ANKEF1: variants seen among roughly 807,000 people sequenced by gnomAD.
ANKEF1 encodes the protein ankyrin repeat and EF-hand domain-containing protein 1.
ANKEF1 carries 43 observed loss-of-function variants against 65.1 expected under a neutral mutation model. The ratio of observed to expected loss-of-function variants is 0.66; its 90% CI spans 0.52 to 0.85. The LOEUF (loss-of-function observed/expected upper bound fraction) is 0.85, where lower values mean the gene tolerates loss of function less well. Ranked by LOEUF, ANKEF1 falls within the 40% of genes least tolerant of loss-of-function variation. ANKEF1 has a pLI of 0.00. For synonymous variants in ANKEF1, 316 were observed against 341.5 expected, an observed-to-expected ratio of 0.93 and a Z score of 0.82; for missense variants, 934 against 952.9, an observed-to-expected ratio of 0.98 and a Z score of 0.26.
chr20:10,042,096 G>A (rs1984229088), intron 3 of ANKEF1, among the ~76,000 whole-genome samples: 1 of 152,096 alleles, frequency 6.6e-6, no homozygotes, highest in Non-Finnish European at 1.5e-5. Context: ...TCTTTGCCTA[G>A]CTTTACCTAG....
rs746522690 is a variant in ANKEF1 at position 10,049,825 on chromosome 20, G to C, written c.1256G>C (p.Gly419Ala). ...TATGGACCTAAGAAAAAGGAAAAAG[G>C]GATGGGCAAAAAAGGAAAGAAAGGG... is the stretch of plus-strand genomic sequence containing the variant. ...GSYGPKKKEK[G>A]MGKKGKKGKF... is the part of the protein sequence containing the mutation. The change falls in exon 7 of 11, where the codon GGG (glycine) becomes GCG (alanine). Residue 419 changes from glycine to alanine, a missense_variant. Coordinates refer to ENST00000378392, the MANE Select transcript of ANKEF1 (RefSeq NM_022096.6). 7.4e-6 allele frequency: 12 copies of C among 1,613,956 alleles called. No homozygotes were observed. Among genetic ancestry groups the C allele is most frequent in the African/African-American group, 1.3e-5 (1 of 74,902 alleles).
At chr20:10,047,557 G>A (rs1697709810) in intron 6 of ANKEF1, among the ~76,000 whole-genome samples, 1 of 152,162 alleles carries the variant, frequency 6.6e-6, no homozygotes, top group Non-Finnish European at 1.5e-5. Context: ...ATTTCCTCAT[G>A]ATGGTCCTCT....
rs543439955 is a variant in ANKEF1, at chr20:10,040,260, C to G, written c.346+1613C>G. Among the ~76,000 whole-genome samples, 26 of 152,376 alleles carry G rather than the reference C, an allele frequency of 1.7e-4. 1 individual carries two copies. The highest frequency in any genetic ancestry group is 6.0e-4 in the African/African-American group (25 of 41,594). Reference sequence around the variant, plus strand: ...ATCAACAAGGCTCACTCAGCTTGCACATCCCTCAGTTTGGCTGCCAGTGGC... The same window carrying G: ...ATCAACAAGGCTCACTCAGCTTGCAGATCCCTCAGTTTGGCTGCCAGTGGC... On this transcript the variant is annotated intron_variant, in intron 3 of 10. Coordinates refer to ENST00000378392, the MANE Select transcript of ANKEF1 (RefSeq NM_022096.6).
intron 6 of ANKEF1, among the ~76,000 whole-genome samples, chr20:10,048,426 G>C (rs993055062): frequency 6.6e-6 from 1 of 151,938 alleles, no homozygotes; most frequent in African/African-American, 2.4e-5. Flanking sequence ...ATCCAATTAC[G>C]CTCTTTTAGC....
Position 10,049,664 on chromosome 20 carries a change from A to G in ANKEF1, c.1095A>G (p.Glu365=). Residue 365 remains glutamate, a synonymous_variant, in exon 7 of 11, where the codon GAA becomes GAG. Coordinates refer to ENST00000378392, the MANE Select transcript of ANKEF1 (RefSeq NM_022096.6). ...ACGACTTCGTGATGGTGTTGGAGGAAAGGCAGGATTATGCAAGCTCAGAAC... is the reference window on the plus strand; with the variant it reads ...ACGACTTCGTGATGGTGTTGGAGGAGAGGCAGGATTATGCAAGCTCAGAAC... ...SKNDFVMVLE[E]RQDYASSEQL... 1 of 1,614,122 alleles carries G rather than the reference A, an allele frequency of 6.2e-7. No individual in the cohort carries two copies. Among genetic ancestry groups the G allele is most frequent in the Non-Finnish European group, 8.5e-7 (1 of 1,180,004 alleles).
chr20:10,051,697 A>T lies in ANKEF1; in HGVS notation c.1678A>T (p.Thr560Ser). The T allele has an allele frequency of 6.2e-7, 1 of 1,613,554 alleles. No individual in the cohort carries two copies. The highest frequency in any genetic ancestry group is 8.5e-7 in the Non-Finnish European group (1 of 1,179,736). The part of the protein sequence containing the change: ...NVNATDNFLW[T>S]PLHFACHAGQ... The stretch of plus-strand genomic sequence containing the variant: ...TAATGCAACAGATAACTTTCTGTGG[A>T]CTCCACTTCATTTTGCATGCCATGC... The change falls in exon 8 of 11, where the codon ACT (threonine) becomes TCT (serine). Residue 560 changes from threonine (T) to serine (S), a missense_variant. Transcript: ENST00000378392.
In ANKEF1 at chr20:10,035,090, G is replaced by C. The variant is rs1446013937; in HGVS notation, c.-352G>C. On this transcript the variant is annotated 5_prime_UTR_variant, in exon 1 of 11. Coordinates refer to ENST00000378392, the MANE Select transcript of ANKEF1 (RefSeq NM_022096.6). Reference sequence around the variant, plus strand: ...CACCTGCCCGCGCGCTCGCCTTCCGGGGACCCGGGGCCCATGGACACATAC... The same window carrying C: ...CACCTGCCCGCGCGCTCGCCTTCCGCGGACCCGGGGCCCATGGACACATAC... 1.3e-5 allele frequency: 2 copies of C among 154,064 alleles called. No individual in the cohort carries two copies. The highest frequency in any genetic ancestry group is 4.8e-5 in the African/African-American group (2 of 41,492). 9.5% of individuals were successfully genotyped at this position (154,064 alleles called of 1,614,324 possible).
chr20:10,043,062 TC>T (rs1401803169), intron 3 of ANKEF1, 59 bp from the exon 4 acceptor site: 1 of 1,517,210 alleles, frequency 6.6e-7, no homozygotes, highest in African/African-American at 1.4e-5. Flanking sequence ...AATTTTACTT[TC>T]CTTCCTGTCA....
Position 10,049,566 on chromosome 20 carries a change from T to G in ANKEF1, c.997T>G (p.Ser333Ala). Residue 333 changes from serine (S) to alanine (A), a missense_variant, in exon 7 of 11, where the codon TCC (serine) becomes GCC (alanine). Transcript: ENST00000378392. ...GTGGGCCCTTAGACTGCACGATTGGTCCGTAGAACGTGAGGCTTTCCTCCG... is the reference window on the plus strand; with the variant it reads ...GTGGGCCCTTAGACTGCACGATTGGGCCGTAGAACGTGAGGCTTTCCTCCG... Reference protein sequence around the residue: ...PLWALRLHDWSVEREAFLREA... With the variant: ...PLWALRLHDWAVEREAFLREA... 6.2e-7 allele frequency: 1 copy of G among 1,614,108 alleles called. No individual in the cohort carries two copies. Among genetic ancestry groups the G allele is most frequent in the Non-Finnish European group, 8.5e-7 (1 of 1,180,016 alleles).
At chr20:10,047,040 A>C (rs1419191224) in intron 6 of ANKEF1, among the ~76,000 whole-genome samples, 1 of 152,246 alleles carries the variant, frequency 6.6e-6, no homozygotes. Context: ...TTTCAGATTT[A>C]ACATTATGTA....
chr20:10,054,698 T>A (rs576284423), intron 10 of ANKEF1, 99 bp downstream of exon 10: 2 of 1,265,492 alleles, frequency 1.6e-6, no homozygotes, highest in East Asian at 5.3e-5. Context: ...TCTGCACAGT[T>A]TGTCTTTCAT....
chr20:10,044,213 A>G (rs1600514375), intron 4 of ANKEF1, among the ~76,000 whole-genome samples, 181 bp from the exon 5 acceptor site: 1 of 152,304 alleles, frequency 6.6e-6, no homozygotes, highest in Non-Finnish European at 1.5e-5. Context: ...CGTTTTGGAT[A>G]CTGACCCATT....
intron 4 of ANKEF1, among the ~76,000 whole-genome samples, chr20:10,043,625 TCTG>T (rs1568511549): frequency 6.6e-6 from 1 of 151,470 alleles, no homozygotes; most frequent in African/African-American, 2.4e-5. Context: ...AATATATAGT[TCTG>T]CTGTTTCTTT....
At chr20:10,049,170 A>G (rs1363411552) in intron 6 of ANKEF1, among the ~76,000 whole-genome samples, 2 of 152,194 alleles carry the variant, frequency 1.3e-5, no homozygotes, top group African/African-American at 4.8e-5. Context: ...TTGTAAACGT[A>G]TCTTCTTCAG....
chr20:10,039,663 G>A (rs1052768927), intron 3 of ANKEF1, among the ~76,000 whole-genome samples: 9 of 152,152 alleles, frequency 5.9e-5, no homozygotes, highest in African/African-American at 2.2e-4. Context: ...TCCTCTCAAA[G>A]CTCTATAGTA....
At chr20:10,048,967 G>A (rs1369331869) in intron 6 of ANKEF1, among the ~76,000 whole-genome samples, 1 of 152,120 alleles carries the variant, frequency 6.6e-6, no homozygotes, top group Admixed American at 6.6e-5. Context: ...AAAAGGAAGT[G>A]GGTATTCTGC....
At chr20:10,045,849 C>A (rs146161112) in intron 6 of ANKEF1, 152 bp downstream of exon 6, 4 of 710,868 alleles carry the variant, frequency 5.6e-6, no homozygotes, top group Non-Finnish European at 9.0e-6. Flanking sequence ...AAAATTATTT[C>A]TTATACTACC....
chr20:10,054,906 T>C (rs1248253910), intron 10 of ANKEF1, among the ~76,000 whole-genome samples: 1 of 152,224 alleles, frequency 6.6e-6, no homozygotes, highest in Non-Finnish European at 1.5e-5. Flanking sequence ...AAGGATACTT[T>C]TTTTTGGTAC....
At chr20:10,047,176 C>G (rs1323928258) in intron 6 of ANKEF1, among the ~76,000 whole-genome samples, 2 of 152,168 alleles carry the variant, frequency 1.3e-5, no homozygotes, top group Admixed American at 6.5e-5. Context: ...AATAAAGTCA[C>G]AGAAAGCACA....
Sources: allele counts gnomAD v4.1 joint callset (sites outside exome capture counted in the v4.1 genomes callset), GRCh38; gene constraint gnomAD v4.1.1; transcripts MANE v1.5; gene names NCBI Gene and HGNC (gene_info 2026-07-23, HGNC 2026-07-21).